BCL2: variants seen among roughly 807,000 people sequenced by gnomAD.
BCL2 encodes apoptosis regulator Bcl-2.
In BCL2, 1 loss-of-function variant was observed where a neutral mutation model predicts 14.2. The ratio of observed to expected loss-of-function variants is 0.07; its 90% CI spans 0.02 to 0.33. BCL2 has a LOEUF of 0.33. Ranked by LOEUF, BCL2 falls within the 10% of genes least tolerant of loss-of-function variation. BCL2 has a pLI of 0.99. For missense variants in BCL2, 247 were observed against 305.9 expected (o/e 0.81, Z 1.44); for synonymous variants, 151 against 137.2 (o/e 1.10, Z -0.70).
At chr18:63,218,664 C>CTCTACTCATTCCCG (rs1910281394) in intron 2 of BCL2, among the ~76,000 whole-genome samples, 1 of 472 alleles carries the variant, frequency 2.1e-3, no homozygotes, top group Non-Finnish European at 4.8e-3. Context: ...CATCCCCATC[C>CTCTACTCATTCCCG]TCCAGTCATC....
At chr18:63,231,027 G>A (rs564780736) in intron 2 of BCL2, among the ~76,000 whole-genome samples, 33 of 151,884 alleles carry the variant, frequency 2.2e-4, no homozygotes, top group South Asian at 1.0e-3. Context: ...ATAAATATAC[G>A]GAATGTGTGT....
At chr18:63,250,150 A>G in intron 2 of BCL2, among the ~76,000 whole-genome samples, 1 of 152,206 alleles carries the variant, frequency 6.6e-6, no homozygotes, top group East Asian at 1.9e-4. Context: ...GGCCCTCAAT[A>G]AAAGCACACT....
At chr18:63,147,909 T>C (rs558929969) in intron 2 of BCL2, among the ~76,000 whole-genome samples, 422 of 152,310 alleles carry the variant, frequency 2.8e-3, no homozygotes, top group Non-Finnish European at 4.6e-3. Flanking sequence ...CCCCAGGAGA[T>C]ATTTCTTGTA....
chr18:63,278,929 C>T (rs1912232128), intron 2 of BCL2, among the ~76,000 whole-genome samples: 1 of 151,954 alleles, frequency 6.6e-6, no homozygotes, highest in Admixed American at 6.5e-5. Flanking sequence ...CACTACAGCG[C>T]ATTAGAAAAA....
At chr18:63,259,335 G>A (rs1458290401) in intron 2 of BCL2, among the ~76,000 whole-genome samples, 1 of 152,248 alleles carries the variant, frequency 6.6e-6, no homozygotes, top group African/African-American at 2.4e-5. Flanking sequence ...AAAGCAGAAT[G>A]CAAAAGGCAA....
rs376589444 is a variant in BCL2 at position 63,269,095 on chromosome 18, C to A, written c.585+48987G>T. Among the ~76,000 whole-genome samples the A allele has an allele frequency of 1.5e-4, 23 of 151,958 alleles. No individual in the cohort carries two copies. The East Asian group carries it at 2.5e-3, about 17-fold the overall frequency. On this transcript the variant is annotated intron_variant, in intron 2 of 2. Coordinates refer to ENST00000333681, the MANE Select transcript of BCL2 (RefSeq NM_000633.3). ...TCCCAAGTAGCTAGGACTATAGGTG[C>A]ATACACACCACCATGATCGGTAATT...
intron 2 of BCL2, among the ~76,000 whole-genome samples, chr18:63,193,661 T>C (rs754915667): frequency 2.6e-5 from 4 of 151,200 alleles, no homozygotes; most frequent in African/African-American, 7.3e-5. Flanking sequence ...TACACATACA[T>C]ATATATACAC....
chr18:63,256,478 A>G (rs1911479724), intron 2 of BCL2, among the ~76,000 whole-genome samples: 1 of 152,154 alleles, frequency 6.6e-6, no homozygotes, highest in African/African-American at 2.4e-5. Flanking sequence ...TGACCTCCCA[A>G]AGTGCTGGGA....
intron 2 of BCL2, among the ~76,000 whole-genome samples, chr18:63,144,592 G>GTTTCTTGACA (rs1356721767): frequency 2.6e-5 from 4 of 152,078 alleles, no homozygotes; most frequent in Non-Finnish European, 5.9e-5. Flanking sequence ...GGAGTGACAG[G>GTTTCTTGACA]GAACGCTCAA....
intron 2 of BCL2, among the ~76,000 whole-genome samples, chr18:63,180,051 C>CTT (rs1568225995): frequency 6.6e-6 from 1 of 152,212 alleles, no homozygotes; most frequent in African/African-American, 2.4e-5. Flanking sequence ...GCCATCTACG[C>CTT]AATCTATCAA....
At chr18:63,187,289 A>G (rs1005716861) in intron 2 of BCL2, among the ~76,000 whole-genome samples, 5 of 152,240 alleles carry the variant, frequency 3.3e-5, no homozygotes, top group African/African-American at 1.2e-4. Context: ...GGTAATCCTG[A>G]TATGATAAGG....
At chr18:63,232,775 A>G (rs906951154) in intron 2 of BCL2, among the ~76,000 whole-genome samples, 9 of 152,230 alleles carry the variant, frequency 5.9e-5, no homozygotes, top group African/African-American at 2.2e-4. Flanking sequence ...CTTCTTCTGT[A>G]TCTTTGAAAA....
intron 2 of BCL2, among the ~76,000 whole-genome samples, chr18:63,171,069 T>A (rs1267837813): frequency 6.6e-6 from 1 of 152,234 alleles, no homozygotes; most frequent in Non-Finnish European, 1.5e-5. Flanking sequence ...TTCTTACTGT[T>A]ATAATGTTTT....
At chr18:63,178,000 T>G (rs1009812251) in intron 2 of BCL2, among the ~76,000 whole-genome samples, 3 of 152,044 alleles carry the variant, frequency 2.0e-5, no homozygotes, top group Admixed American at 6.5e-5. Flanking sequence ...TGCAGCCACT[T>G]CCCTAAGCTC....
intron 2 of BCL2, among the ~76,000 whole-genome samples, chr18:63,211,133 C>T (rs1200846481): frequency 4.7e-5 from 6 of 128,090 alleles, no homozygotes; most frequent in East Asian, 2.4e-4. Flanking sequence ...TGCAGTGGTG[C>T]GATCTTGGCT....
rs1034563245 is a variant in BCL2, at chr18:63,125,866, C to G, written c.*2759G>C. 3.7e-5 allele frequency: 8 copies of G among 216,814 alleles called. No homozygotes were observed. The highest frequency in any genetic ancestry group is 6.5e-5 in the Non-Finnish European group (7 of 107,460). The allele number at this position is 216,814 out of a possible 1,614,324, so 13.4% of individuals were successfully genotyped here. ...TGTTATTAAAACCAGGTAACAAAACCCCACAGCAAAAGGCAGCCAGCCAGC... is the reference window on the plus strand; with the variant it reads ...TGTTATTAAAACCAGGTAACAAAACGCCACAGCAAAAGGCAGCCAGCCAGC... On this transcript the variant is annotated 3_prime_UTR_variant, in exon 3 of 3. Coordinates refer to ENST00000333681, the MANE Select transcript of BCL2 (RefSeq NM_000633.3).
intron 2 of BCL2, among the ~76,000 whole-genome samples, chr18:63,169,353 C>CTT (rs1317563376): frequency 3.4e-5 from 2 of 59,312 alleles, no homozygotes; most frequent in Non-Finnish European, 6.1e-5. Context: ...TTCTTTCTTT[C>CTT]TTTCTTTCTT....
At chr18:63,170,526 C>T (rs547899670) in intron 2 of BCL2, among the ~76,000 whole-genome samples, 11 of 152,102 alleles carry the variant, frequency 7.2e-5, no homozygotes, top group South Asian at 6.2e-4. Flanking sequence ...GGTGTTTATG[C>T]GGAAAAGACC....
Position 63,149,309 on chromosome 18 carries a change from A to G in BCL2, c.586-20550T>C, listed in dbSNP as rs1914587398. On this transcript the variant is annotated intron_variant, in intron 2 of 2. Coordinates refer to ENST00000333681, the MANE Select transcript of BCL2 (RefSeq NM_000633.3). The surrounding 1 kb of genome is among the most constrained non-coding windows in gnomAD (Gnocchi z 4.2). ...AGATCCCTTGTGGGCACAGTTCACAATAGGGTTTGCACTCCTAGGAAAACC... is the reference window on the plus strand; with the variant it reads ...AGATCCCTTGTGGGCACAGTTCACAGTAGGGTTTGCACTCCTAGGAAAACC... 1.3e-5 allele frequency among the ~76,000 whole-genome samples: 2 copies of G among 152,196 alleles called. No individual in the cohort carries two copies. Among genetic ancestry groups the G allele is most frequent in the Non-Finnish European group, 2.9e-5 (2 of 68,038 alleles).
Sources: gnomAD v4.1 joint callset for allele counts (sites outside exome capture counted in the v4.1 genomes callset) on GRCh38, gnomAD v4.1.1 for gene constraint, Gnocchi (gnomAD v3.1) non-coding constraint, MANE v1.5 for transcripts, NCBI Gene and HGNC (gene_info 2026-07-23, HGNC 2026-07-21) for gene names.